CSMD1: variants seen among roughly 807,000 people sequenced by gnomAD.
CSMD1 encodes CUB and Sushi multiple domains 1.
CSMD1 carries 213 observed loss-of-function variants against 417.5 expected under a neutral mutation model. That is an observed-to-expected ratio of 0.51 (90% CI 0.46 to 0.57). The LOEUF is 0.57. Ranked by LOEUF, CSMD1 falls within the 20% of genes least tolerant of loss-of-function variation. The pLI is 0.00. For missense variants in CSMD1, 6,923 were observed against 4,529.7 expected, an observed-to-expected ratio of 1.53 and a Z score of -15.17; for synonymous variants, 2,862 against 1,736.8, an observed-to-expected ratio of 1.65 and a Z score of -16.11.
intron 1 of CSMD1, among the ~76,000 whole-genome samples, chr8:4,749,079 C>G (rs941340034): frequency 1.2e-4 from 18 of 152,196 alleles, no homozygotes; most frequent in African/African-American, 4.3e-4. Context: ...TGAGCGCACG[C>G]TCGCCTGCCC....
At chr8:3,268,759 C>G (rs953097022) in intron 26 of CSMD1, among the ~76,000 whole-genome samples, 2 of 152,244 alleles carry the variant, frequency 1.3e-5, no homozygotes, top group East Asian at 1.9e-4. Flanking sequence ...CCTACCTACT[C>G]CTGTGTTGAT....
chr8:3,828,396 A>C (rs17067708), intron 5 of CSMD1, among the ~76,000 whole-genome samples: 1,622 of 152,264 alleles, frequency 0.011, 30 homozygotes, highest in African/African-American at 0.037. Flanking sequence ...AAACTGCGTT[A>C]CCATATTGTC....
chr8:3,564,334 T>C (rs1379190751), intron 10 of CSMD1, among the ~76,000 whole-genome samples: 1 of 151,914 alleles, frequency 6.6e-6, no homozygotes, highest in East Asian at 1.9e-4. Flanking sequence ...TTTTGAATGT[T>C]TTGTCGTCCT....
chr8:3,224,666 G>C (rs1798396761), intron 27 of CSMD1, among the ~76,000 whole-genome samples: 1 of 152,170 alleles, frequency 6.6e-6, no homozygotes, highest in Non-Finnish European at 1.5e-5. Flanking sequence ...AACAAATTTA[G>C]TTTGTGTTTG....
intron 54 of CSMD1, 136 bp from the exon 55 acceptor site, chr8:2,978,936 T>C (rs998701375): frequency 1.3e-6 from 1 of 742,896 alleles, no homozygotes; most frequent in Non-Finnish European, 2.1e-6. Flanking sequence ...GCTCATGAAA[T>C]TCCACTCTCA....
At chr8:4,640,213 A>G (rs989517579) in intron 1 of CSMD1, among the ~76,000 whole-genome samples, 1 of 152,250 alleles carries the variant, frequency 6.6e-6, no homozygotes, top group African/African-American at 2.4e-5. Flanking sequence ...TGATCCATTC[A>G]TTGACATTCC....
chr8:3,276,941 C>A (rs750991450), intron 26 of CSMD1, among the ~76,000 whole-genome samples: 1 of 152,116 alleles, frequency 6.6e-6, no homozygotes, highest in African/African-American at 2.4e-5. Flanking sequence ...CCACAATGGG[C>A]TAAGCACTAT....
At chr8:3,615,952 A>G (rs907314273) in intron 8 of CSMD1, among the ~76,000 whole-genome samples, 7 of 152,206 alleles carry the variant, frequency 4.6e-5, no homozygotes, top group African/African-American at 1.2e-4. Context: ...TACTGTATTC[A>G]TAATGTAGCA....
At chr8:4,585,183 A>G (rs1376400409) in intron 2 of CSMD1, among the ~76,000 whole-genome samples, 2 of 152,144 alleles carry the variant, frequency 1.3e-5, no homozygotes, top group Non-Finnish European at 2.9e-5. Context: ...AATAACTGTG[A>G]TTAATATGTT....
intron 26 of CSMD1, among the ~76,000 whole-genome samples, chr8:3,232,691 C>G (rs1300034084): frequency 6.6e-6 from 1 of 152,092 alleles, no homozygotes; most frequent in Non-Finnish European, 1.5e-5. Flanking sequence ...AGTTTAGTCT[C>G]CTTATGTGCC....
intron 12 of CSMD1, among the ~76,000 whole-genome samples, chr8:3,410,645 T>C (rs182819439): frequency 1.9e-3 from 289 of 152,354 alleles, no homozygotes; most frequent in Non-Finnish European, 3.0e-3. Context: ...ATTAAACCTT[T>C]TTCTTTTATA....
At chr8:3,306,794 T>C (rs1804889249) in intron 25 of CSMD1, among the ~76,000 whole-genome samples, 2 of 152,066 alleles carry the variant, frequency 1.3e-5, no homozygotes, top group African/African-American at 4.8e-5. Flanking sequence ...GCTATGGTTT[T>C]GGAGACAGAT....
At chr8:4,111,917 A>C (rs932355693) in intron 3 of CSMD1, among the ~76,000 whole-genome samples, 10 of 152,214 alleles carry the variant, frequency 6.6e-5, no homozygotes, top group African/African-American at 2.4e-4. Flanking sequence ...TGTACCCCAG[A>C]ACTTAAAATA....
chr8:3,852,010 C>T (rs1439962224), intron 5 of CSMD1, among the ~76,000 whole-genome samples: 2 of 152,002 alleles, frequency 1.3e-5, no homozygotes, highest in African/African-American at 4.8e-5. Flanking sequence ...GCTGCAATCA[C>T]CGGTGAGGAC....
intron 3 of CSMD1, among the ~76,000 whole-genome samples, chr8:4,418,131 G>T (rs991139895): frequency 2.0e-5 from 3 of 151,436 alleles, no homozygotes; most frequent in East Asian, 1.9e-4. Context: ...TTTTTGACAG[G>T]TTTTTTTCTT....
intron 2 of CSMD1, among the ~76,000 whole-genome samples, chr8:4,456,869 G>A (rs2129900052): frequency 6.6e-6 from 1 of 151,946 alleles, no homozygotes; most frequent in South Asian, 2.1e-4. Context: ...CCTGGGCACT[G>A]GCTTCAAAGG....
intron 6 of CSMD1, among the ~76,000 whole-genome samples, chr8:3,741,644 C>G (rs967571338): frequency 5.3e-5 from 8 of 152,162 alleles, no homozygotes; most frequent in Non-Finnish European, 1.2e-4. Context: ...TCTAGCAAAA[C>G]TGAAAAGTAA....
chr8:4,079,445 C>A (rs1800008309), intron 3 of CSMD1, among the ~76,000 whole-genome samples: 1 of 152,198 alleles, frequency 6.6e-6, no homozygotes, highest in African/African-American at 2.4e-5. Context: ...CACCATCAGG[C>A]AGCTCCATTC....
chr8:4,300,903 A>G (rs183736850), intron 3 of CSMD1, among the ~76,000 whole-genome samples: 53 of 152,244 alleles, frequency 3.5e-4, no homozygotes, highest in African/African-American at 1.2e-3. Context: ...CATGGTGTAT[A>G]TGTGCCACAT....
Sources: gnomAD v4.1 joint callset for allele counts (sites outside exome capture counted in the v4.1 genomes callset) on GRCh38, gnomAD v4.1.1 for gene constraint, MANE v1.5 for transcripts, NCBI Gene and HGNC (gene_info 2026-07-23, HGNC 2026-07-21) for gene names.